Variants in SMG7 observed in about 807,000 individuals in gnomAD.
The protein encoded by SMG7 is SMG7 nonsense mediated mRNA decay factor.
SMG7 carries 34 observed loss-of-function variants against 148.2 expected under a neutral mutation model. That is an observed-to-expected ratio of 0.23 (90% CI 0.17 to 0.31). SMG7 has a LOEUF of 0.31. Ranked by LOEUF, SMG7 falls within the 10% of genes least tolerant of loss-of-function variation. SMG7 has a pLI of 1.00. For missense variants in SMG7, 1,114 were observed against 1,408.4 expected, an observed-to-expected ratio of 0.79 and a Z score of 3.35; for synonymous variants, 492 against 515.1, an observed-to-expected ratio of 0.96 and a Z score of 0.61.
chr1:183,485,873 C>T (rs1346046902), intron 1 of SMG7, among the ~76,000 whole-genome samples: 1 of 152,142 alleles, frequency 6.6e-6, no homozygotes, highest in Non-Finnish European at 1.5e-5. Flanking sequence ...TAAAGCTATA[C>T]TTTATATGTG....
intron 1 of SMG7, among the ~76,000 whole-genome samples, chr1:183,477,398 T>TTG (rs143157038): frequency 0.27 from 36,571 of 134,174 alleles, 6,397 homozygotes; most frequent in East Asian, 0.52. Context: ...CTGTTTTGTT[T>TTG]TGTGTGTGTG....
At chr1:183,495,286 A>G (rs1438581881) in intron 1 of SMG7, among the ~76,000 whole-genome samples, 3 of 152,166 alleles carry the variant, frequency 2.0e-5, no homozygotes, top group East Asian at 3.9e-4. Flanking sequence ...ATTTTCATCA[A>G]ATTTGGATCC....
Position 183,495,871 on chromosome 1 carries a change from G to GA in SMG7, c.30-16954dup, listed in dbSNP as rs778006636. ...TGACGAGCAAGACCTTTTCTCAATG[G>GA]AAAAAAAAAAAAGGCAAACTGAATA... On this transcript the variant is annotated intron_variant, in intron 1 of 22. Transcript: ENST00000688051. 6.7e-3 allele frequency among the ~76,000 whole-genome samples: 908 copies of GA among 135,468 alleles called. 7 individuals are homozygous for GA. Among genetic ancestry groups the GA allele is most frequent in the Middle Eastern group, 0.012 (3 of 260 alleles). 88.9% of individuals were successfully genotyped at this position (135,468 alleles called of 152,430 possible).
At chr1:183,515,853 G>GT (rs1663401094) in intron 2 of SMG7, 21 bp from the exon 3 acceptor site, 1 of 1,494,478 alleles carries the variant, frequency 6.7e-7, no homozygotes. Context: ...CTACCGTTAT[G>GT]TTTTTGTTTT....
rs546112191 is a variant in SMG7, at chr1:183,545,936, T to C, written c.2371-30T>C. On this transcript the variant is annotated intron_variant, in intron 16 of 22. Coordinates refer to ENST00000688051, the MANE Select transcript of SMG7 (RefSeq NM_001375584.1). ...TTATAAGTAATATTGCATTTTATCC[T>C]CACCTTTATGACAGGCGTCTCTTTT... 36 of 1,547,512 alleles carry C rather than the reference T, an allele frequency of 2.3e-5. No individual in the cohort carries two copies. The South Asian group carries it at 4.3e-4, about 18-fold the overall frequency.
At chr1:183,551,237 G>A (rs372056683) in intron 22 of SMG7, 47 bp downstream of exon 22, 9 of 1,519,786 alleles carry the variant, frequency 5.9e-6, no homozygotes, top group Middle Eastern at 1.8e-4. Context: ...TACAGCAAAG[G>A]TGTCTCTGCT....
intron 1 of SMG7, among the ~76,000 whole-genome samples, chr1:183,474,290 C>G (rs767552215): frequency 2.0e-5 from 3 of 152,196 alleles, no homozygotes; most frequent in African/African-American, 7.2e-5. Flanking sequence ...TTGCCGGGCA[C>G]GGGGGCTCAC....
intron 5 of SMG7, 43 bp downstream of exon 5, chr1:183,526,810 T>G: frequency 5.2e-6 from 8 of 1,523,972 alleles, no homozygotes; most frequent in Non-Finnish European, 7.2e-6. Context: ...GTTCCTCCTT[T>G]TCTTTGGAAT....
intron 3 of SMG7, 185 bp from the exon 4 acceptor site, chr1:183,517,503 C>G (rs1188622688): frequency 3.1e-6 from 2 of 638,680 alleles, no homozygotes; most frequent in Non-Finnish European, 5.6e-6. Flanking sequence ...CAGTTGGATT[C>G]TACTGCATGT....
chr1:183,547,570 GACC>G (rs373850276), intron 18 of SMG7, among the ~76,000 whole-genome samples: 2 of 152,250 alleles, frequency 1.3e-5, no homozygotes, highest in African/African-American at 4.8e-5. Flanking sequence ...CTTCCATCTG[GACC>G]CAGAAATTTT....
chr1:183,537,585 A>G (rs1026663441), intron 11 of SMG7, among the ~76,000 whole-genome samples: 1 of 152,206 alleles, frequency 6.6e-6, no homozygotes, highest in African/African-American at 2.4e-5. Context: ...CAAATCTCCC[A>G]TACAGAGATA....
chr1:183,473,010 A>T (rs1044125652), intron 1 of SMG7: 2 of 303,624 alleles, frequency 6.6e-6, no homozygotes, highest in African/African-American at 4.3e-5. Flanking sequence ...GAGGAGTCTG[A>T]TCCCCGTGGC....
intron 1 of SMG7, chr1:183,502,483 A>G: frequency 9.8e-7 from 1 of 1,016,570 alleles, no homozygotes; most frequent in Non-Finnish European, 1.3e-6. Context: ...TAAAATTAGA[A>G]ACTTCCTGAA....
chr1:183,479,210 G>A (rs1235732212), intron 1 of SMG7, among the ~76,000 whole-genome samples: 1 of 152,136 alleles, frequency 6.6e-6, no homozygotes, highest in Non-Finnish European at 1.5e-5. Flanking sequence ...AGACTATGTG[G>A]CAGCTTTGGG....
chr1:183,484,273 A>G (rs1654883548), intron 1 of SMG7, among the ~76,000 whole-genome samples: 1 of 152,088 alleles, frequency 6.6e-6, no homozygotes, highest in Admixed American at 6.6e-5. Flanking sequence ...TAGATCACTT[A>G]CAATATGTAA....
chr1:183,549,388 A>G (rs886294692), intron 19 of SMG7, 100 bp downstream of exon 19: 2 of 866,100 alleles, frequency 2.3e-6, no homozygotes, highest in African/African-American at 3.3e-5. Context: ...TTTATTTTCC[A>G]TGTATTAGTG....
rs1669675155 is a variant in SMG7, at chr1:183,545,057, A to G, written c.2115A>G (p.Gly705=). ...AGCCTACAGCTCACTCTCCAGCAGG[A>G]AACCAGGTGCAAGCTGGGAAACAGT... The part of the protein sequence containing the change: ...FLQPTAHSPA[G]NQVQAGKQSH... Residue 705 remains glycine (G), a synonymous_variant, in exon 16 of 23, where the codon GGA becomes GGG. Transcript: ENST00000688051. 6.2e-7 allele frequency: 1 copy of G among 1,614,064 alleles called. No individual in the cohort carries two copies. The highest frequency in any genetic ancestry group is 8.5e-7 in the Non-Finnish European group (1 of 1,180,000).
In SMG7 at chr1:183,533,403, C is replaced by T. The variant is rs978803609; in HGVS notation, c.1006+77C>T. The T allele has an allele frequency of 2.1e-6, 3 of 1,413,952 alleles. No individual in the cohort carries two copies. The African/African-American group carries it at 4.3e-5, about 20-fold the overall frequency. The allele number at this position is 1,413,952 out of a possible 1,614,324, so 87.6% of individuals were successfully genotyped here. ...TAGGCATTTCATCGATGTAGCAAAG[C>T]ACAGTGACATAAAAAAGCATAGTGT... On this transcript the variant is annotated intron_variant, in intron 9 of 22. Transcript: ENST00000688051.
At chr1:183,551,312 A>G (rs1671013142) in intron 22 of SMG7, 122 bp downstream of exon 22, 3 of 894,090 alleles carry the variant, frequency 3.4e-6, no homozygotes, top group African/African-American at 1.7e-5. Flanking sequence ...GCACATATAT[A>G]ACAAAGTCCT....
Sources: gnomAD v4.1 joint callset for allele counts (sites outside exome capture counted in the v4.1 genomes callset) on GRCh38, gnomAD v4.1.1 for gene constraint, MANE v1.5 for transcripts, NCBI Gene and HGNC (gene_info 2026-07-23, HGNC 2026-07-21) for gene names.